Variants in FUT2 observed in about 807,000 individuals in gnomAD.
FUT2 encodes the protein galactoside alpha-(1,2)-fucosyltransferase 2.
For synonymous variants in FUT2, 182 were observed against 193.1 expected (o/e 0.94, Z 0.48); for missense variants, 419 against 465.8 (o/e 0.90, Z 0.93).
chr19:48,699,284 G>A (rs1179674156), intron 1 of FUT2, among the ~76,000 whole-genome samples: 2 of 151,948 alleles, frequency 1.3e-5, no homozygotes, highest in African/African-American at 4.8e-5. Context: ...TGCAATCTCT[G>A]CCTTCCATGA....
chr19:48,698,551 C>T (rs2032455203), intron 1 of FUT2, among the ~76,000 whole-genome samples: 1 of 152,002 alleles, frequency 6.6e-6, no homozygotes, highest in Non-Finnish European at 1.5e-5. Flanking sequence ...AAGTGGTTCT[C>T]CTGCCTCAGC....
chr19:48,703,107 AC>A lies in FUT2; in HGVS notation c.152del (p.Thr51AsnfsTer19). On this transcript the variant is annotated frameshift_variant, in exon 2 of 2. Transcript: ENST00000425340. LOFTEE classifies it low-confidence loss of function (END_TRUNC). ...LPVQIPVLAS[T>X]SKALGPSQLR... ...GGTGCAGATACCAGTGCTAGCCTCA[AC>A]ATCAAAGGCACTGGGACCCAGCCAG... The A allele has an allele frequency of 6.2e-7, 1 of 1,613,496 alleles. No individual in the cohort carries two copies. Among genetic ancestry groups the A allele is most frequent in the Non-Finnish European group, 8.5e-7 (1 of 1,180,026 alleles).
chr19:48,702,924 G>C, intron 1 of FUT2, 31 bp from the exon 2 acceptor site: 2 of 1,611,162 alleles, frequency 1.2e-6, no homozygotes, highest in Non-Finnish European at 1.7e-6. Context: ...CCATCTCCCA[G>C]CTAACGTGTC....
Position 48,703,886 on chromosome 19 carries a change from C to T in FUT2, c.930C>T (p.Thr310=), listed in dbSNP as rs746731581. 133 of 1,613,512 alleles carry T rather than the reference C, an allele frequency of 8.2e-5. No homozygotes were observed. Among genetic ancestry groups the T allele is most frequent in the Non-Finnish European group, 1.1e-4 (129 of 1,180,032 alleles). ...GGDTIYLANY[T]LPDSPFLKIF... ...ACACCATCTACCTGGCCAATTACAC[C>T]CTCCCCGACTCCCCTTTCCTCAAAA... is the stretch of plus-strand genomic sequence containing the variant. The change falls in exon 2 of 2, where the codon ACC becomes ACT. Residue 310 remains threonine, a synonymous_variant. Coordinates refer to ENST00000425340, the MANE Select transcript of FUT2 (RefSeq NM_000511.6).
Position 48,700,330 on chromosome 19 carries a change from TTTA to T in FUT2, c.-2-2622_-2-2620del, listed in dbSNP as rs775737813. Among the ~76,000 whole-genome samples, 3 of 112,576 alleles carry T rather than the reference TTTA, an allele frequency of 2.7e-5. No homozygotes were observed. In the Admixed American group the frequency reaches 2.8e-4, roughly 11 times the overall value. 73.9% of individuals were successfully genotyped at this position (112,576 alleles called of 152,430 possible). On this transcript the variant is annotated intron_variant, in intron 1 of 1. Coordinates refer to ENST00000425340, the MANE Select transcript of FUT2 (RefSeq NM_000511.6). ...CATGCTGTGCTACCATTTATTTTAT[TTTA>T]TTTTTTTTTTTGAGACGGAGTCTCG...
chr19:48,699,969 C>T (rs1218676602), intron 1 of FUT2, among the ~76,000 whole-genome samples: 1 of 151,650 alleles, frequency 6.6e-6, no homozygotes, highest in African/African-American at 2.4e-5. Flanking sequence ...GCCTGGTCAA[C>T]ATGGTAAAAC....
intron 1 of FUT2, among the ~76,000 whole-genome samples, chr19:48,697,368 A>C (rs1259629835): frequency 1.4e-5 from 2 of 141,726 alleles, no homozygotes; most frequent in Admixed American, 1.4e-4. Context: ...AAAAAAAAAA[A>C]TCTCAGTAAG....
Position 48,697,323 on chromosome 19 carries a change from G to C in FUT2, c.-3+1234G>C, listed in dbSNP as rs181536778. On this transcript the variant is annotated intron_variant, in intron 1 of 1. Coordinates refer to ENST00000425340, the MANE Select transcript of FUT2 (RefSeq NM_000511.6). The stretch of plus-strand genomic sequence containing the variant: ...TTGTGCCATTGCACTCCAGCCTGGG[G>C]AACAAGAGCAAAACTCCGTCTCAAA... Among the ~76,000 whole-genome samples the C allele has an allele frequency of 4.9e-3, 540 of 111,092 alleles. 8 individuals carry two copies. The highest frequency in any genetic ancestry group is 0.046 in the East Asian group (139 of 3,042). The allele number at this position is 111,092 out of a possible 152,430, so 72.9% of individuals were successfully genotyped here.
chr19:48,702,199 G>C (rs1390517082), intron 1 of FUT2, among the ~76,000 whole-genome samples: 1 of 151,966 alleles, frequency 6.6e-6, no homozygotes, highest in Non-Finnish European at 1.5e-5. Context: ...CTAGGAGTTT[G>C]AGACCAGCCT....
At chr19:48,701,616 C>G (rs2032518902) in intron 1 of FUT2, among the ~76,000 whole-genome samples, 1 of 152,080 alleles carries the variant, frequency 6.6e-6, no homozygotes, top group South Asian at 2.1e-4. Flanking sequence ...TGGACAATTT[C>G]CCTTCAAAGT....
intron 1 of FUT2, among the ~76,000 whole-genome samples, chr19:48,699,242 G>A (rs1191045363): frequency 6.6e-6 from 1 of 151,970 alleles, no homozygotes; most frequent in Admixed American, 6.6e-5. Context: ...CGCCCAGGCT[G>A]GAGTGCAGTG....
At position 48,705,106 on chromosome 19, in the gene FUT2, C is replaced by CTTTTTTTTTTTTT. The variant is rs750075953; in HGVS notation, c.*1122_*1123insTTTTTTTTTTTTT. 0.016 allele frequency: 3,087 copies of CTTTTTTTTTTTTT among 188,160 alleles called. 247 individuals are homozygous for CTTTTTTTTTTTTT. Among genetic ancestry groups the CTTTTTTTTTTTTT allele is most frequent in the Non-Finnish European group, 0.022 (2,083 of 93,230 alleles). The allele number at this position is 188,160 out of a possible 1,614,324, so 11.7% of individuals were successfully genotyped here. On this transcript the variant is annotated 3_prime_UTR_variant, in exon 2 of 2. Coordinates refer to ENST00000425340, the MANE Select transcript of FUT2 (RefSeq NM_000511.6). ...GAGCTCACTGTTTTCTTTTCTTTTTCTTTTCTTTTTTTTTTTTTTTTTGAG... is the reference window on the plus strand; with the variant it reads ...GAGCTCACTGTTTTCTTTTCTTTTTCTTTTTTTTTTTTTTTTTCTTTTTTTTTTTTTTTTTGAG...
At chr19:48,701,544 G>T (rs1051085672) in intron 1 of FUT2, among the ~76,000 whole-genome samples, 1 of 151,984 alleles carries the variant, frequency 6.6e-6, no homozygotes, top group African/African-American at 2.4e-5. Context: ...GGAAGTCCAC[G>T]GTGGAGCTGG....
Position 48,704,131 on chromosome 19 carries a change from G to A in FUT2, c.*143G>A. 1.2e-6 allele frequency: 1 copy of A among 866,372 alleles called. No homozygotes were observed. Among genetic ancestry groups the A allele is most frequent in the Admixed American group, 2.0e-5 (1 of 50,080 alleles). 53.7% of individuals were successfully genotyped at this position (866,372 alleles called of 1,614,324 possible). On this transcript the variant is annotated 3_prime_UTR_variant, in exon 2 of 2. Transcript: ENST00000425340. ...TGGGCTGCAAGTAACAGAAATCTCA[G>A]TGAACAGTGGCCTGGCGTGGTGGCT... is the stretch of plus-strand genomic sequence containing the variant.
chr19:48,704,198 G>A lies in FUT2; in HGVS notation c.*210G>A, dbSNP rs1296416455. ...GCACTTTGTGAGGCCAGGGTGGGTG[G>A]ATCACTTGAGGTCAGGAGTTCAAGA... On this transcript the variant is annotated 3_prime_UTR_variant, in exon 2 of 2. Coordinates refer to ENST00000425340, the MANE Select transcript of FUT2 (RefSeq NM_000511.6). 7 of 618,872 alleles carry A rather than the reference G, an allele frequency of 1.1e-5. No individual in the cohort carries two copies. In the East Asian group the frequency reaches 2.1e-4, roughly 18 times the overall value. 38.3% of individuals were successfully genotyped at this position (618,872 alleles called of 1,614,324 possible). A position where few individuals can be genotyped will look rare whatever the true frequency, so the allele number is the denominator to read the frequency against.
At position 48,703,140 on chromosome 19, in the gene FUT2, G is replaced by C; in HGVS notation, c.184G>C (p.Gly62Arg). 6.2e-7 allele frequency: 1 copy of C among 1,613,506 alleles called. No homozygotes were observed. ...SKALGPSQLR[G>R]MWTINAIGRL... ...GGCACTGGGACCCAGCCAGCTCAGG[G>C]GGATGTGGACGATCAATGCAATAGG... The change falls in exon 2 of 2, where the codon GGG becomes CGG. Residue 62 changes from glycine to arginine, a missense_variant. Coordinates refer to ENST00000425340, the MANE Select transcript of FUT2 (RefSeq NM_000511.6).
chr19:48,703,557 C>T lies in FUT2; in HGVS notation c.601C>T (p.Arg201Cys), dbSNP rs754989277. 4.3e-5 allele frequency: 70 copies of T among 1,613,184 alleles called. No homozygotes were observed. In the Admixed American group the frequency reaches 8.5e-4, roughly 20 times the overall value. The part of the protein sequence containing the change: ...RPGTFVGVHV[R>C]RGDYVHVMPK... Reference sequence around the variant, plus strand: ...GGGCACCTTTGTAGGGGTCCATGTTCGCCGAGGGGACTATGTCCATGTCAT... The same window carrying T: ...GGGCACCTTTGTAGGGGTCCATGTTTGCCGAGGGGACTATGTCCATGTCAT... Residue 201 changes from arginine to cysteine, a missense_variant, in exon 2 of 2, where the codon CGC (arginine) becomes TGC (cysteine). Transcript: ENST00000425340.
chr19:48,704,097 A>C lies in FUT2; in HGVS notation c.*109A>C, dbSNP rs1601238690. Reference sequence around the variant, plus strand: ...GAGCAGGACCCATCTCTCTTCTGTGAAGATGCGTTGGGCTGCAAGTAACAG... The same window carrying C: ...GAGCAGGACCCATCTCTCTTCTGTGCAGATGCGTTGGGCTGCAAGTAACAG... On this transcript the variant is annotated 3_prime_UTR_variant, in exon 2 of 2. Transcript: ENST00000425340. 1 of 1,063,876 alleles carries C rather than the reference A, an allele frequency of 9.4e-7. No individual in the cohort carries two copies. Among genetic ancestry groups the C allele is most frequent in the Admixed American group, 1.9e-5 (1 of 53,420 alleles). 65.9% of individuals were successfully genotyped at this position (1,063,876 alleles called of 1,614,324 possible).
chr19:48,698,796 G>A lies in FUT2; in HGVS notation c.-3+2707G>A, dbSNP rs1427935596. On this transcript the variant is annotated intron_variant, in intron 1 of 1. Coordinates refer to ENST00000425340, the MANE Select transcript of FUT2 (RefSeq NM_000511.6). ...TCACTATGTGGTCCAGGCTGATCTC[G>A]AACTCCTGAACTCAAGCAATCCTCC... 3.3e-5 allele frequency among the ~76,000 whole-genome samples: 5 copies of A among 151,676 alleles called. No homozygotes were observed. In the East Asian group the frequency reaches 5.8e-4, roughly 18 times the overall value.
Sources: gnomAD v4.1 joint callset for allele counts (sites outside exome capture counted in the v4.1 genomes callset) on GRCh38, gnomAD v4.1.1 for gene constraint, MANE v1.5 for transcripts, NCBI Gene and HGNC (gene_info 2026-07-23, HGNC 2026-07-21) for gene names.